The following SCAPER variants were observed in gnomAD, a reference collection of about 807,000 sequenced individuals.
The protein encoded by SCAPER is S phase cyclin A-associated protein in the endoplasmic reticulum.
A neutral mutation model predicts 182.2 loss-of-function variants in SCAPER; 98 were observed. The ratio of observed to expected loss-of-function variants is 0.54; its 90% CI spans 0.46 to 0.64. The LOEUF is 0.64. Ranked by LOEUF, SCAPER falls within the 30% of genes least tolerant of loss-of-function variation. SCAPER has a pLI of 0.00. For missense variants in SCAPER, 1,432 were observed against 1,690.0 expected (o/e 0.85, Z 2.68); for synonymous variants, 605 against 564.6 (o/e 1.07, Z -1.01).
intron 23 of SCAPER, among the ~76,000 whole-genome samples, chr15:76,539,198 G>T (rs977386576): frequency 6.6e-6 from 1 of 152,132 alleles, no homozygotes; most frequent in Non-Finnish European, 1.5e-5. Flanking sequence ...AGGGGAAAAT[G>T]TAAAGTTCTA....
chr15:76,506,205 G>A (rs1429479843), intron 23 of SCAPER, among the ~76,000 whole-genome samples: 1 of 151,994 alleles, frequency 6.6e-6, no homozygotes, highest in East Asian at 1.9e-4. Context: ...GCCCAACAGC[G>A]TGAATATAAT....
chr15:76,390,956 C>T (rs2043652425), intron 27 of SCAPER, among the ~76,000 whole-genome samples: 1 of 152,168 alleles, frequency 6.6e-6, no homozygotes, highest in African/African-American at 2.4e-5. Context: ...ACAGAGTAAA[C>T]AGATGCTTTT....
intron 24 of SCAPER, among the ~76,000 whole-genome samples, chr15:76,487,188 G>A (rs1171080825): frequency 6.6e-6 from 1 of 152,108 alleles, no homozygotes; most frequent in Non-Finnish European, 1.5e-5. Context: ...ATTGGAGTGT[G>A]GAGGTTGGGA....
intron 8 of SCAPER, among the ~76,000 whole-genome samples, chr15:76,788,868 C>T (rs1031513667): frequency 2.0e-5 from 3 of 152,188 alleles, no homozygotes; most frequent in Non-Finnish European, 2.9e-5. Flanking sequence ...AGACTGGTCT[C>T]GCTATGTTGC....
At chr15:76,887,280 T>C (rs956745041) in intron 1 of SCAPER, among the ~76,000 whole-genome samples, 2 of 152,218 alleles carry the variant, frequency 1.3e-5, no homozygotes, top group Non-Finnish European at 2.9e-5. Flanking sequence ...CTGATGTACC[T>C]GCTTAATCTC....
chr15:76,371,352 C>T (rs1199237767), intron 29 of SCAPER, among the ~76,000 whole-genome samples: 1 of 149,632 alleles, frequency 6.7e-6, no homozygotes, highest in Non-Finnish European at 1.5e-5. Context: ...CGGAGTCTTG[C>T]TCTGTCACCC....
intron 2 of SCAPER, among the ~76,000 whole-genome samples, chr15:76,864,968 C>A (rs1168667049): frequency 1.3e-5 from 2 of 152,146 alleles, no homozygotes; most frequent in Non-Finnish European, 2.9e-5. Flanking sequence ...CAGTTATACT[C>A]CTTGGCAGTA....
At chr15:76,589,971 T>C (rs551834072) in intron 22 of SCAPER, among the ~76,000 whole-genome samples, 26 of 152,308 alleles carry the variant, frequency 1.7e-4, no homozygotes, top group Non-Finnish European at 3.4e-4. Flanking sequence ...CTGTGTGTGT[T>C]TGGGGGTGGA....
At chr15:76,479,381 G>C (rs1297494381) in intron 24 of SCAPER, among the ~76,000 whole-genome samples, 1 of 152,242 alleles carries the variant, frequency 6.6e-6, no homozygotes, top group East Asian at 1.9e-4. Flanking sequence ...GAAAGCACCA[G>C]ATTTTCAAAG....
chr15:76,357,013 T>C (rs776507668), intron 29 of SCAPER, among the ~76,000 whole-genome samples: 8 of 152,194 alleles, frequency 5.3e-5, no homozygotes, highest in Admixed American at 2.0e-4. Context: ...GATTCTTAAA[T>C]AGGTGCTAAC....
intron 5 of SCAPER, among the ~76,000 whole-genome samples, chr15:76,805,294 A>G (rs1345961264): frequency 6.6e-6 from 1 of 152,082 alleles, no homozygotes; most frequent in East Asian, 1.9e-4. Context: ...TTAGAAGTGG[A>G]TTTGCTGAGT....
In SCAPER at chr15:76,718,181, T is replaced by C. The variant is rs112203090; in HGVS notation, c.2165+10414A>G. Among the ~76,000 whole-genome samples, 597 of 151,998 alleles carry C rather than the reference T, an allele frequency of 3.9e-3. 4 individuals carry two copies. Among genetic ancestry groups the C allele is most frequent in the African/African-American group, 0.013 (548 of 41,456 alleles). ...AACATGCTCCAAAATAAGTCATGAG[T>C]TAAAGAAGAAATCAAAAAGGAAATT... On this transcript the variant is annotated intron_variant, in intron 17 of 31. Coordinates refer to ENST00000563290, the MANE Select transcript of SCAPER (RefSeq NM_020843.4).
chr15:76,756,286 A>C (rs2062429810), intron 14 of SCAPER, among the ~76,000 whole-genome samples: 2 of 149,170 alleles, frequency 1.3e-5, no homozygotes, highest in Admixed American at 1.3e-4. Flanking sequence ...GACCCAGGGC[A>C]AGAATGATGG....
intron 26 of SCAPER, among the ~76,000 whole-genome samples, chr15:76,423,599 T>G (rs1177067195): frequency 1.3e-5 from 2 of 152,140 alleles, no homozygotes; most frequent in Non-Finnish European, 2.9e-5. Flanking sequence ...TTTTGAAGGG[T>G]TTTTTGTTTC....
At chr15:76,689,519 A>G (rs990165592) in intron 20 of SCAPER, among the ~76,000 whole-genome samples, 1 of 152,072 alleles carries the variant, frequency 6.6e-6, no homozygotes, top group Non-Finnish European at 1.5e-5. Flanking sequence ...TTGACTCAAG[A>G]ACACCTGGAA....
chr15:76,655,529 A>G (rs1017386913), intron 21 of SCAPER, among the ~76,000 whole-genome samples: 1 of 152,174 alleles, frequency 6.6e-6, no homozygotes, highest in African/African-American at 2.4e-5. Context: ...TTCGAATTCA[A>G]GAAACTCAGA....
intron 6 of SCAPER, 28 bp downstream of exon 6, chr15:76,804,505 G>A (rs758095924): frequency 4.8e-6 from 7 of 1,450,132 alleles, no homozygotes; most frequent in Non-Finnish European, 6.7e-6. Context: ...CTGGATGATA[G>A]GAAGATTGAG....
At chr15:76,384,793 C>G (rs1327075312) in intron 27 of SCAPER, among the ~76,000 whole-genome samples, 1 of 152,176 alleles carries the variant, frequency 6.6e-6, no homozygotes, top group East Asian at 1.9e-4. Context: ...AGAATGTTTA[C>G]TTTTGATTTA....
intron 29 of SCAPER, among the ~76,000 whole-genome samples, chr15:76,362,490 G>A (rs2141746696): frequency 6.7e-6 from 1 of 150,164 alleles, no homozygotes; most frequent in African/African-American, 2.5e-5. Context: ...TTGGCTCACT[G>A]CAACCTCTGC....
Sources: allele counts gnomAD v4.1 joint callset (sites outside exome capture counted in the v4.1 genomes callset), GRCh38; gene constraint gnomAD v4.1.1; transcripts MANE v1.5; gene names NCBI Gene and HGNC (gene_info 2026-07-23, HGNC 2026-07-21).